The following XKR9 variants were observed in gnomAD, a reference collection of about 807,000 sequenced individuals.
XKR9 encodes the protein XK related 9, also known as XK-related protein 9.
A neutral mutation model predicts 32.0 loss-of-function variants in XKR9; 32 were observed. That is an observed-to-expected ratio of 1.00 (90% CI 0.76 to 1.34). The LOEUF (loss-of-function observed/expected upper bound fraction) is 1.34, where lower values mean the gene tolerates loss of function less well. Among genes scored for constraint, XKR9 ranks in the 40% most tolerant of loss-of-function variants. The pLI, the probability that XKR9 is intolerant of heterozygous loss-of-function variation, is 0.00. For missense variants in XKR9, 546 were observed against 429.7 expected (o/e 1.27, Z -2.39); for synonymous variants, 168 against 143.4 (o/e 1.17, Z -1.22).
chr8:70,783,870 A>G (rs1252129377), intron 2 of XKR9, among the ~76,000 whole-genome samples: 1 of 151,842 alleles, frequency 6.6e-6, no homozygotes, highest in East Asian at 1.9e-4. Flanking sequence ...ATCCATTTTG[A>G]GTTGATTTTT....
intron 2 of XKR9, among the ~76,000 whole-genome samples, chr8:70,783,222 A>G (rs891419782): frequency 6.7e-6 from 1 of 149,736 alleles, no homozygotes; most frequent in Non-Finnish European, 1.5e-5. Context: ...GGCCATTTGT[A>G]TGTCTTTTTT....
intron 3 of XKR9, among the ~76,000 whole-genome samples, chr8:70,701,880 G>T (rs1419286023): frequency 1.3e-5 from 2 of 152,092 alleles, no homozygotes; most frequent in Non-Finnish European, 2.9e-5. Context: ...TCTATTTGAT[G>T]TGTGATTTGT....
At chr8:70,795,541 C>A in the XKR9 span, among the ~76,000 whole-genome samples, 1 of 152,102 alleles carries the variant, frequency 6.6e-6, no homozygotes, top group Non-Finnish European at 1.5e-5. Flanking sequence ...GTGTTTAGGT[C>A]TTTGAGGAAT....
At chr8:71,006,501 G>A in the XKR9 span, among the ~76,000 whole-genome samples, 5 of 152,142 alleles carry the variant, frequency 3.3e-5, no homozygotes, top group Admixed American at 1.3e-4. Flanking sequence ...GTTGGTGGAT[G>A]GGGTGTCCAT....
At chr8:70,868,872 C>A in the XKR9 span, among the ~76,000 whole-genome samples, 8 of 152,186 alleles carry the variant, frequency 5.3e-5, no homozygotes, top group Admixed American at 3.9e-4. Context: ...CCCAAGTCAC[C>A]TCTTGAATGC....
chr8:70,954,448 G>T, the XKR9 span, among the ~76,000 whole-genome samples: 1 of 152,216 alleles, frequency 6.6e-6, no homozygotes, highest in African/African-American at 2.4e-5. Context: ...TTACCCAGGA[G>T]AAATCTAATT....
At chr8:70,929,738 C>G in the XKR9 span, among the ~76,000 whole-genome samples, 1 of 152,206 alleles carries the variant, frequency 6.6e-6, no homozygotes, top group Non-Finnish European at 1.5e-5. Context: ...TCGAGTCCCT[C>G]TGATACTTTA....
At chr8:71,035,550 G>A in the XKR9 span, among the ~76,000 whole-genome samples, 1 of 152,202 alleles carries the variant, frequency 6.6e-6, no homozygotes, top group Admixed American at 6.5e-5. Flanking sequence ...CAGAATTGCT[G>A]TAGCATCTAC....
chr8:70,911,914 C>A, the XKR9 span, among the ~76,000 whole-genome samples: 6 of 152,056 alleles, frequency 3.9e-5, no homozygotes, highest in Non-Finnish European at 8.8e-5. Context: ...AGTGAACATA[C>A]ACATAAGAGA....
the XKR9 span, among the ~76,000 whole-genome samples, chr8:71,036,871 T>C: frequency 7.3e-5 from 2 of 27,396 alleles, no homozygotes; most frequent in African/African-American, 2.8e-4. Flanking sequence ...AGATTGCACC[T>C]TTTTTTTTTT....
At chr8:70,949,781 A>G in the XKR9 span, among the ~76,000 whole-genome samples, 4 of 152,188 alleles carry the variant, frequency 2.6e-5, no homozygotes, top group African/African-American at 7.2e-5. Context: ...TTTGGGAGGT[A>G]TCAGGTCAAG....
the XKR9 span, among the ~76,000 whole-genome samples, chr8:70,998,022 C>A: frequency 1.9e-3 from 282 of 152,214 alleles, 1 homozygote; most frequent in African/African-American, 6.3e-3. Context: ...GAAGAGCCAA[C>A]GTGATTCATA....
the XKR9 span, among the ~76,000 whole-genome samples, chr8:70,954,306 G>A: frequency 1.1e-4 from 17 of 152,098 alleles, no homozygotes; most frequent in African/African-American, 4.1e-4. Context: ...TCTCTCTTTG[G>A]TTTTTAAGGA....
chr8:70,713,576 AG>A (rs1805991143), intron 4 of XKR9, among the ~76,000 whole-genome samples: 1 of 152,196 alleles, frequency 6.6e-6, no homozygotes, highest in Admixed American at 6.5e-5. Context: ...CAAAGGAAGT[AG>A]TAAGTATATG....
At chr8:71,051,856 T>A in the XKR9 span, among the ~76,000 whole-genome samples, 1 of 152,226 alleles carries the variant, frequency 6.6e-6, no homozygotes, top group Non-Finnish European at 1.5e-5. Flanking sequence ...AATGCGTGAA[T>A]AATTCATCTA....
At chr8:70,929,214 T>C in the XKR9 span, among the ~76,000 whole-genome samples, 4 of 152,144 alleles carry the variant, frequency 2.6e-5, no homozygotes, top group Admixed American at 2.6e-4. Context: ...TTCTCTAGTC[T>C]ATAGTGGTCA....
At chr8:70,998,640 A>G in the XKR9 span, among the ~76,000 whole-genome samples, 1 of 152,238 alleles carries the variant, frequency 6.6e-6, no homozygotes, top group Admixed American at 6.5e-5. Context: ...TTTGTGAACA[A>G]GAATTTGCTG....
intron 4 of XKR9, among the ~76,000 whole-genome samples, chr8:70,725,766 C>T (rs1455797220): frequency 6.6e-6 from 1 of 151,928 alleles, no homozygotes; most frequent in Admixed American, 6.6e-5. Context: ...ATTAGCTGGG[C>T]ATGGTAGTGG....
Position 70,680,769 on chromosome 8 carries a change from GT to G in XKR9, c.-278-8del, listed in dbSNP as rs1489939142. The G allele has an allele frequency of 1.5e-5, 3 of 199,392 alleles. No homozygotes were observed. Among genetic ancestry groups the G allele is most frequent in the African/African-American group, 6.9e-5 (3 of 43,298 alleles). The allele number at this position is 199,392 out of a possible 1,614,324, so 12.4% of individuals were successfully genotyped here. A position where few individuals can be genotyped will look rare whatever the true frequency, so the allele number is the denominator to read the frequency against. On this transcript the variant is annotated splice_polypyrimidine_tract_variant and intron_variant, in intron 2 of 4. Transcript: ENST00000408926. The stretch of plus-strand genomic sequence containing the variant: ...AAGATATTTTGGAACTTAAATATCT[GT>G]TTTATTTTAGGTCTTGTCATCTGTA...
Sources: allele counts gnomAD v4.1 joint callset (sites outside exome capture counted in the v4.1 genomes callset), GRCh38; gene constraint gnomAD v4.1.1; transcripts MANE v1.5; gene names NCBI Gene and HGNC (gene_info 2026-07-23, HGNC 2026-07-21).